The following CNTNAP2 variants were observed in gnomAD, a reference collection of about 807,000 sequenced individuals.
The protein encoded by CNTNAP2 is contactin associated protein 2.
A neutral mutation model predicts 155.2 loss-of-function variants in CNTNAP2; 98 were observed. The observed-to-expected ratio is 0.63, with a 90% confidence interval of 0.54 to 0.75. The LOEUF (loss-of-function observed/expected upper bound fraction) is 0.75. Among genes scored for constraint, CNTNAP2 ranks in the 30% least tolerant of loss-of-function variants. The probability of loss-of-function intolerance (pLI) is 0.00; values close to 1 mark genes in which losing one functional copy is unlikely to be tolerated. For missense variants in CNTNAP2, 1,727 were observed against 1,688.1 expected, an observed-to-expected ratio of 1.02 and a Z score of -0.40; for synonymous variants, 651 against 631.2, an observed-to-expected ratio of 1.03 and a Z score of -0.47.
chr7:146,264,359 G>A (rs951635654), intron 1 of CNTNAP2, among the ~76,000 whole-genome samples: 1 of 151,996 alleles, frequency 6.6e-6, no homozygotes, highest in African/African-American at 2.4e-5. Context: ...GCTGAGACAG[G>A]AGAGTCGCTT....
chr7:148,165,713 C>T (rs572205257), intron 17 of CNTNAP2, among the ~76,000 whole-genome samples: 13 of 152,204 alleles, frequency 8.5e-5, no homozygotes, highest in African/African-American at 3.1e-4. Context: ...AGAAGTAGAT[C>T]TTTGTGACCA....
At chr7:147,615,767 C>A (rs1801277870) in intron 12 of CNTNAP2, among the ~76,000 whole-genome samples, 1 of 152,008 alleles carries the variant, frequency 6.6e-6, no homozygotes, top group African/African-American at 2.4e-5. Flanking sequence ...CACATCAGAC[C>A]ATGGAAACCC....
At chr7:146,804,342 T>G (rs1021489182) in intron 2 of CNTNAP2, among the ~76,000 whole-genome samples, 12 of 152,210 alleles carry the variant, frequency 7.9e-5, no homozygotes, top group Non-Finnish European at 7.3e-5. Context: ...GTAAATTTAT[T>G]CTGTCATCAG....
At chr7:147,070,160 T>C (rs952976552) in intron 4 of CNTNAP2, among the ~76,000 whole-genome samples, 1 of 152,238 alleles carries the variant, frequency 6.6e-6, no homozygotes, top group Non-Finnish European at 1.5e-5. Context: ...CATATTGCAA[T>C]TTTATGTGCT....
At chr7:147,925,008 A>G (rs1800359399) in intron 14 of CNTNAP2, among the ~76,000 whole-genome samples, 3 of 151,942 alleles carry the variant, frequency 2.0e-5, no homozygotes, top group Non-Finnish European at 2.9e-5. Context: ...AGTCCCAGCT[A>G]CTCAGGAGGC....
At chr7:146,321,231 T>C (rs566299343) in intron 1 of CNTNAP2, among the ~76,000 whole-genome samples, 23 of 152,308 alleles carry the variant, frequency 1.5e-4, no homozygotes, top group African/African-American at 5.1e-4. Context: ...AGTTATCAAG[T>C]ACTTAAATGG....
intron 3 of CNTNAP2, among the ~76,000 whole-genome samples, chr7:147,001,880 T>C (rs1043785472): frequency 3.9e-5 from 6 of 151,934 alleles, no homozygotes; most frequent in African/African-American, 1.4e-4. Flanking sequence ...AAAATTAATA[T>C]TTTTAGATAG....
intron 1 of CNTNAP2, among the ~76,000 whole-genome samples, chr7:146,547,572 A>G (rs560212920): frequency 1.3e-5 from 2 of 152,086 alleles, no homozygotes; most frequent in African/African-American, 4.8e-5. Context: ...CAGAGAAATC[A>G]TGCAGGATTT....
intron 3 of CNTNAP2, among the ~76,000 whole-genome samples, chr7:146,905,924 C>T (rs1307750463): frequency 6.6e-6 from 1 of 152,180 alleles, no homozygotes; most frequent in Non-Finnish European, 1.5e-5. Context: ...ACAGTGGGCG[C>T]AGGCCAGTGG....
intron 15 of CNTNAP2, among the ~76,000 whole-genome samples, chr7:147,991,650 G>A (rs1431626516): frequency 6.6e-6 from 1 of 152,096 alleles, no homozygotes; most frequent in East Asian, 1.9e-4. Flanking sequence ...TGCACATGAA[G>A]TATTAAATTT....
At chr7:147,702,056 T>G (rs1359724336) in intron 13 of CNTNAP2, among the ~76,000 whole-genome samples, 1 of 59,288 alleles carries the variant, frequency 1.7e-5, no homozygotes, top group Non-Finnish European at 3.0e-5. Context: ...CTTTGGTTGG[T>G]TTTTTTTTTT....
At chr7:147,826,506 A>G (rs1472319427) in intron 13 of CNTNAP2, among the ~76,000 whole-genome samples, 1 of 152,210 alleles carries the variant, frequency 6.6e-6, no homozygotes, top group East Asian at 1.9e-4. Flanking sequence ...AATACTGGCC[A>G]GAGAATGGAA....
At chr7:148,276,495 C>T (rs1380405799) in intron 21 of CNTNAP2, among the ~76,000 whole-genome samples, 1 of 152,326 alleles carries the variant, frequency 6.6e-6, no homozygotes, top group East Asian at 1.9e-4. Context: ...GGTACTAACT[C>T]CCCAGCACTT....
intron 1 of CNTNAP2, among the ~76,000 whole-genome samples, chr7:146,265,355 A>C (rs1415627394): frequency 6.6e-6 from 1 of 152,186 alleles, no homozygotes; most frequent in Non-Finnish European, 1.5e-5. Flanking sequence ...AGATAATTGA[A>C]TCCACAATTT....
intron 1 of CNTNAP2, among the ~76,000 whole-genome samples, chr7:146,134,975 C>T (rs910204342): frequency 7.9e-5 from 12 of 151,794 alleles, no homozygotes; most frequent in African/African-American, 2.7e-4. Context: ...GGAATAGTTT[C>T]AGAAGGAATG....
At chr7:146,274,941 A>C (rs2129083935) in intron 1 of CNTNAP2, among the ~76,000 whole-genome samples, 1 of 152,296 alleles carries the variant, frequency 6.6e-6, no homozygotes, top group African/African-American at 2.4e-5. Flanking sequence ...TTATTCAAAC[A>C]TGAACCTTCA....
Position 146,951,687 on chromosome 7 carries a change from G to A in CNTNAP2, c.403-92220G>A, listed in dbSNP as rs529138756. Among the ~76,000 whole-genome samples, 76 of 152,232 alleles carry A rather than the reference G, an allele frequency of 5.0e-4. 1 individual carries two copies. In the Middle Eastern group the frequency reaches 0.01, roughly 20 times the overall value. ...TTGTTACCAGTACCATGCTGTTTTG[G>A]TTACTGTAGCCTTGTAAGATAATTT... On this transcript the variant is annotated intron_variant, in intron 3 of 23. Coordinates refer to ENST00000361727, the MANE Select transcript of CNTNAP2 (RefSeq NM_014141.6).
chr7:148,130,998 A>C (rs1804819094), intron 16 of CNTNAP2, among the ~76,000 whole-genome samples: 1 of 151,932 alleles, frequency 6.6e-6, no homozygotes, highest in Non-Finnish European at 1.5e-5. Context: ...CTCCAAAGAC[A>C]TACTGAAGTT....
chr7:146,429,956 CT>C (rs1323002710), intron 1 of CNTNAP2, among the ~76,000 whole-genome samples: 2 of 151,950 alleles, frequency 1.3e-5, no homozygotes, highest in Non-Finnish European at 1.5e-5. Context: ...TATCAAAGGC[CT>C]TTTGTGCATC....
Sources: gnomAD v4.1 joint callset for allele counts (sites outside exome capture counted in the v4.1 genomes callset) on GRCh38, gnomAD v4.1.1 for gene constraint, MANE v1.5 for transcripts, NCBI Gene and HGNC (gene_info 2026-07-23, HGNC 2026-07-21) for gene names.